The following DIAPH2 variants were observed in gnomAD, a reference collection of about 807,000 sequenced individuals.
DIAPH2 encodes protein diaphanous homolog 2.
DIAPH2 carries 35 observed loss-of-function variants against 92.7 expected under a neutral mutation model. The ratio of observed to expected loss-of-function variants is 0.38; its 90% CI spans 0.29 to 0.50. DIAPH2 has a LOEUF of 0.50. Ranked by LOEUF, DIAPH2 falls within the 20% of genes least tolerant of loss-of-function variation. The pLI, the probability that DIAPH2 is intolerant of heterozygous loss-of-function variation, is 0.94. For synonymous variants in DIAPH2, 301 were observed against 280.4 expected (o/e 1.07, Z -0.73); for missense variants, 701 against 819.5 (o/e 0.86, Z 1.77).
intron 22 of DIAPH2, among the ~76,000 whole-genome samples, chrX:97,162,283 A>G (rs1221451387): frequency 9.0e-6 from 1 of 111,331 alleles, no homozygotes; most frequent in Non-Finnish European, 1.9e-5. Flanking sequence ...TTTCTCTGCC[A>G]CTTACTAGCT....
chrX:96,929,817 T>TA (rs760908214), intron 9 of DIAPH2, among the ~76,000 whole-genome samples: 16 of 110,501 alleles, frequency 1.4e-4, no homozygotes, highest in Admixed American at 1.1e-3. Context: ...TCTTTAAAAA[T>TA]AAAAAAATAA....
intron 26 of DIAPH2, among the ~76,000 whole-genome samples, chrX:97,501,976 T>C (rs1367887393): frequency 9.0e-6 from 1 of 111,220 alleles, no homozygotes; most frequent in Non-Finnish European, 1.9e-5. Context: ...CTAATTTTTG[T>C]CTCTTTAGTA....
In DIAPH2 at chrX:97,093,881, T is replaced by C. The variant is rs2066846086; in HGVS notation, c.2248-5813T>C. Among the ~76,000 whole-genome samples the C allele has an allele frequency of 3.6e-5, 4 of 112,013 alleles. No individual in the cohort carries two copies. The South Asian group carries it at 1.5e-3, about 42-fold the overall frequency. On this transcript the variant is annotated intron_variant, in intron 19 of 26. Transcript: ENST00000324765. Reference sequence around the variant, plus strand: ...TTGAATAGTTTAATTGAATTTAAAATAGGAAATGTTTAGCTACCGTGTAAT... The same window carrying C: ...TTGAATAGTTTAATTGAATTTAAAACAGGAAATGTTTAGCTACCGTGTAAT...
At chrX:97,472,276 G>T (rs746944316) in intron 26 of DIAPH2, among the ~76,000 whole-genome samples, 20 of 112,224 alleles carry the variant, frequency 1.8e-4, no homozygotes, top group Middle Eastern at 9.2e-3. Context: ...GATCTCTGGT[G>T]AAAAAACACT....
At chrX:97,405,444 A>G (rs749783158) in intron 25 of DIAPH2, among the ~76,000 whole-genome samples, 9 of 111,773 alleles carry the variant, frequency 8.1e-5, no homozygotes, top group Non-Finnish European at 1.7e-4. Flanking sequence ...CAGTAGCCAA[A>G]AGGGTGGGCC....
chrX:97,046,166 TG>T (rs200459039), intron 17 of DIAPH2, among the ~76,000 whole-genome samples: 1,215 of 105,898 alleles, frequency 0.011, 10 homozygotes, highest in African/African-American at 0.026. Flanking sequence ...CTATTTTATG[TG>T]GTTTTTTTTT....
intron 17 of DIAPH2, among the ~76,000 whole-genome samples, chrX:97,068,014 T>A (rs1471725991): frequency 1.8e-5 from 2 of 112,092 alleles, no homozygotes; most frequent in Non-Finnish European, 3.8e-5. Flanking sequence ...ATGCGTTTTT[T>A]AAGTCATTGC....
intron 4 of DIAPH2, among the ~76,000 whole-genome samples, chrX:96,864,779 G>C (rs1387586135): frequency 8.9e-6 from 1 of 111,869 alleles, no homozygotes; most frequent in Non-Finnish European, 1.9e-5. Flanking sequence ...AGTCATGAGA[G>C]AGAAAGACGA....
intron 1 of DIAPH2, among the ~76,000 whole-genome samples, chrX:96,693,002 T>C (rs983363981): frequency 8.9e-6 from 1 of 112,042 alleles, no homozygotes. Flanking sequence ...GTTTGTGGGC[T>C]TACAATTGAA....
chrX:97,562,224 G>A (rs993343604), intron 26 of DIAPH2, among the ~76,000 whole-genome samples: 7 of 110,335 alleles, frequency 6.3e-5, no homozygotes, highest in East Asian at 2.8e-4. Flanking sequence ...GGCCGGGCGC[G>A]GTGGCTCATG....
At chrX:97,295,322 G>A (rs534488641) in intron 23 of DIAPH2, among the ~76,000 whole-genome samples, 1 of 111,740 alleles carries the variant, frequency 8.9e-6, no homozygotes, top group African/African-American at 3.2e-5. Flanking sequence ...CACTATTCAC[G>A]TATGAATTAG....
intron 5 of DIAPH2, among the ~76,000 whole-genome samples, chrX:96,907,859 C>T (rs1437345315): frequency 9.0e-6 from 1 of 111,673 alleles, no homozygotes; most frequent in Non-Finnish European, 1.9e-5. Context: ...TCATAATCAT[C>T]AAAACCTGGG....
chrX:97,077,245 G>A (rs894831767), intron 19 of DIAPH2, among the ~76,000 whole-genome samples: 6 of 111,351 alleles, frequency 5.4e-5, no homozygotes, highest in African/African-American at 2.0e-4. Flanking sequence ...CAAGAGAGAT[G>A]ACTTCCCTCT....
chrX:97,080,476 C>G (rs1409181037), intron 19 of DIAPH2, among the ~76,000 whole-genome samples: 1 of 102,990 alleles, frequency 9.7e-6, no homozygotes, highest in African/African-American at 3.6e-5. Context: ...ATCCCCCTCC[C>G]CCGCCCCACC....
chrX:97,551,311 C>T lies in DIAPH2; in HGVS notation c.3242-47942C>T, dbSNP rs745357352. 1.5e-3 allele frequency among the ~76,000 whole-genome samples: 162 copies of T among 111,278 alleles called. 1 individual carries two copies. The highest frequency in any genetic ancestry group is 5.1e-3 in the African/African-American group (155 of 30,605). ...TTTGAAAACTAAAATTTGCAGTGTT[C>T]GGGAGTGGTGGCTCATGCCTGTAAT... On this transcript the variant is annotated intron_variant, in intron 26 of 26. Transcript: ENST00000324765.
intron 22 of DIAPH2, among the ~76,000 whole-genome samples, chrX:97,185,397 A>ATATATATATGTG (rs2067581380): frequency 9.1e-4 from 5 of 5,497 alleles, no homozygotes; most frequent in South Asian, 9.4e-3. Flanking sequence ...ATATATGTGT[A>ATATATATATGTG]TATATATATA....
intron 25 of DIAPH2, among the ~76,000 whole-genome samples, chrX:97,395,059 C>A (rs2069692584): frequency 9.0e-6 from 1 of 111,702 alleles, no homozygotes; most frequent in Non-Finnish European, 1.9e-5. Context: ...ACATGTAAAT[C>A]TCTTAGTACT....
rs189024902 is a variant in DIAPH2 at position 97,453,161 on chromosome X, C to T, written c.3241+23416C>T. Among the ~76,000 whole-genome samples, 623 of 110,877 alleles carry T rather than the reference C, an allele frequency of 5.6e-3. 2 individuals are homozygous for T. The highest frequency in any genetic ancestry group is 0.019 in the African/African-American group (591 of 30,610). On this transcript the variant is annotated intron_variant, in intron 26 of 26. Transcript: ENST00000324765. ...ATACAAAGTTGTATATACTACTTTT[C>T]CACCTAAATTTATAAGCATTTTTAC...
chrX:97,486,889 G>T (rs2070692758), intron 26 of DIAPH2, among the ~76,000 whole-genome samples: 1 of 112,092 alleles, frequency 8.9e-6, no homozygotes, highest in African/African-American at 3.2e-5. Flanking sequence ...TTGCACAAAT[G>T]AAACTTTATA....
Sources: gnomAD v4.1 joint callset for allele counts (sites outside exome capture counted in the v4.1 genomes callset) on GRCh38, gnomAD v4.1.1 for gene constraint, MANE v1.5 for transcripts, NCBI Gene and HGNC (gene_info 2026-07-23, HGNC 2026-07-21) for gene names.